The following C16orf74 variants were observed in gnomAD, a reference collection of about 807,000 sequenced individuals.
C16orf74 encodes calcimembrin, also known as uncharacterized protein C16orf74.
Under a neutral mutation model 6.5 loss-of-function variants are expected in C16orf74, and 10 were observed. That is an observed-to-expected ratio of 1.54 (90% CI 0.95 to 2.61). C16orf74 has a LOEUF of 2.61. Ranked by LOEUF, C16orf74 falls within the 30% of genes most tolerant of loss-of-function variation. The pLI, the probability that C16orf74 is intolerant of heterozygous loss-of-function variation, is 0.00. For synonymous variants in C16orf74, 60 were observed against 42.5 expected (o/e 1.41, Z -1.60); for missense variants, 141 against 105.9 (o/e 1.33, Z -1.45).
chr16:85,710,165 T>C lies in C16orf74; in HGVS notation c.171A>G (p.Thr57=). 6.9e-7 allele frequency: 1 copy of C among 1,443,034 alleles called. No individual in the cohort carries two copies. The highest frequency in any genetic ancestry group is 9.1e-7 in the Non-Finnish European group (1 of 1,104,424). The allele number at this position is 1,443,034 out of a possible 1,614,324, so 89.4% of individuals were successfully genotyped here. Residue 57 remains threonine, a splice_region_variant and synonymous_variant, in exon 3 of 4, where the codon ACA becomes ACG. Coordinates refer to ENST00000284245, the MANE Select transcript of C16orf74 (RefSeq NM_206967.3). ...GMMLPRDLGS[T]VWLDETGSCP... ...TGGCGGTGGAGGGGACGGCCTCACC[T>C]GTGCTCCCCAAGTCCCTCGGCAGCA...
intron 2 of C16orf74, among the ~76,000 whole-genome samples, chr16:85,725,759 A>T (rs538743054): frequency 5.3e-5 from 8 of 152,220 alleles, no homozygotes; most frequent in African/African-American, 1.9e-4. Context: ...GCATGCTACC[A>T]CACCCAACTA....
At chr16:85,719,255 G>A (rs1040216419) in intron 2 of C16orf74, among the ~76,000 whole-genome samples, 2 of 152,200 alleles carry the variant, frequency 1.3e-5, no homozygotes, top group African/African-American at 2.4e-5. Context: ...CACTGCTGCG[G>A]AAAGAACGGC....
chr16:85,739,540 C>A (rs1038230078), intron 1 of C16orf74, among the ~76,000 whole-genome samples: 1 of 152,210 alleles, frequency 6.6e-6, no homozygotes, highest in Non-Finnish European at 1.5e-5. Flanking sequence ...ATGCTGTTTA[C>A]TGTTGAGACT....
At chr16:85,734,546 G>A (rs563947084) in intron 2 of C16orf74, among the ~76,000 whole-genome samples, 4 of 152,326 alleles carry the variant, frequency 2.6e-5, no homozygotes, top group African/African-American at 7.2e-5. Context: ...CAGCGGGGCC[G>A]CAAGTCAGAC....
At chr16:85,749,791 C>T (rs1304047600) in intron 1 of C16orf74, among the ~76,000 whole-genome samples, 3 of 152,224 alleles carry the variant, frequency 2.0e-5, no homozygotes, top group Non-Finnish European at 2.9e-5. Context: ...ATACACTCTA[C>T]GTGGGTCTGG....
intron 1 of C16orf74, among the ~76,000 whole-genome samples, chr16:85,747,497 C>T (rs2054387230): frequency 6.6e-6 from 1 of 151,812 alleles, no homozygotes; most frequent in Admixed American, 6.6e-5. Flanking sequence ...TAACGGCTAC[C>T]CATAGGGAAA....
chr16:85,733,133 C>CA (rs769970528), intron 2 of C16orf74, among the ~76,000 whole-genome samples: 3 of 152,168 alleles, frequency 2.0e-5, no homozygotes, highest in Non-Finnish European at 2.9e-5. Flanking sequence ...ACACAATCGC[C>CA]AAAAGGTGGA....
intron 3 of C16orf74, among the ~76,000 whole-genome samples, chr16:85,709,158 C>T (rs1352229996): frequency 6.6e-6 from 1 of 152,152 alleles, no homozygotes; most frequent in Non-Finnish European, 1.5e-5. Context: ...AGTTTGAGAC[C>T]AGCCTGGCCA....
At chr16:85,719,175 G>A (rs932782811) in intron 2 of C16orf74, among the ~76,000 whole-genome samples, 32 of 152,222 alleles carry the variant, frequency 2.1e-4, no homozygotes, top group African/African-American at 7.0e-4. Flanking sequence ...CCTGGGCCAG[G>A]GAGGTGGCCA....
chr16:85,737,775 G>C (rs534556610), intron 1 of C16orf74, among the ~76,000 whole-genome samples: 12 of 152,258 alleles, frequency 7.9e-5, no homozygotes, highest in African/African-American at 2.9e-4. Context: ...AGGTTGCAGT[G>C]AACCAAGATC....
intron 2 of C16orf74, among the ~76,000 whole-genome samples, chr16:85,713,642 T>C (rs1598781101): frequency 6.6e-6 from 1 of 152,350 alleles, no homozygotes; most frequent in East Asian, 1.9e-4. Context: ...AATGACCTCA[T>C]CTTAACTCAT....
chr16:85,745,592 G>C (rs1312495658), intron 1 of C16orf74, among the ~76,000 whole-genome samples: 1 of 150,402 alleles, frequency 6.6e-6, no homozygotes, highest in South Asian at 2.1e-4. Context: ...AGAATCTCCC[G>C]CTGGCTGAGG....
intron 1 of C16orf74, among the ~76,000 whole-genome samples, chr16:85,737,558 G>A (rs1160121118): frequency 1.3e-5 from 2 of 152,152 alleles, no homozygotes; most frequent in Non-Finnish European, 2.9e-5. Flanking sequence ...GCCTGGGCGC[G>A]GTGGCTCACG....
Position 85,724,511 on chromosome 16 carries a change from C to G in C16orf74, c.28+10679G>C, listed in dbSNP as rs560381371. Among the ~76,000 whole-genome samples, 7 of 152,254 alleles carry G rather than the reference C, an allele frequency of 4.6e-5. No homozygotes were observed. In the East Asian group the frequency reaches 1.2e-3, roughly 25 times the overall value. ...CCTGACACCTCAGCTTCTGTATCTA[C>G]AGTGGGGACAGTGGACAGCACGGAA... On this transcript the variant is annotated intron_variant, in intron 2 of 3. Coordinates refer to ENST00000284245, the MANE Select transcript of C16orf74 (RefSeq NM_206967.3).
chr16:85,710,170 T>G lies in C16orf74; in HGVS notation c.166A>C (p.Ser56Arg). The G allele has an allele frequency of 6.9e-7, 1 of 1,448,478 alleles. No individual in the cohort carries two copies. 89.7% of individuals were successfully genotyped at this position (1,448,478 alleles called of 1,614,324 possible). The change falls in exon 3 of 4, where the codon AGC (serine) becomes CGC (arginine). Residue 56 changes from serine to arginine, a missense_variant. Ser to Arg is a moderately radical substitution (Grantham distance 110). Transcript: ENST00000284245. ...TGMMLPRDLG[S>R]TVWLDETGSC... ...GTGGAGGGGACGGCCTCACCTGTGC[T>G]CCCCAAGTCCCTCGGCAGCATCATG... is the stretch of plus-strand genomic sequence containing the variant.
chr16:85,747,952 G>A (rs1000063495), intron 1 of C16orf74, among the ~76,000 whole-genome samples: 4 of 151,952 alleles, frequency 2.6e-5, no homozygotes, highest in Admixed American at 1.3e-4. Flanking sequence ...GCCAGGTGTG[G>A]CACAGGTGCC....
chr16:85,744,627 G>C (rs561573021), intron 1 of C16orf74, among the ~76,000 whole-genome samples: 258 of 151,840 alleles, frequency 1.7e-3, no homozygotes, highest in Middle Eastern at 6.8e-3. Flanking sequence ...TCAGGAGATC[G>C]AGACCATCCT....
chr16:85,728,175 T>C (rs747164589), intron 2 of C16orf74, among the ~76,000 whole-genome samples: 1 of 151,970 alleles, frequency 6.6e-6, no homozygotes, highest in East Asian at 1.9e-4. Context: ...CAGAAATAAA[T>C]AAAACACTAA....
intron 2 of C16orf74, among the ~76,000 whole-genome samples, chr16:85,712,298 T>G (rs945561399): frequency 3.9e-5 from 6 of 152,200 alleles, no homozygotes; most frequent in African/African-American, 1.4e-4. Flanking sequence ...CCTCAATTCC[T>G]GACCCACAGA....
Sources: allele counts gnomAD v4.1 joint callset (sites outside exome capture counted in the v4.1 genomes callset), GRCh38; gene constraint gnomAD v4.1.1; transcripts MANE v1.5; gene names NCBI Gene and HGNC (gene_info 2026-07-23, HGNC 2026-07-21).